SYNDIG1L: variants seen among roughly 807,000 people sequenced by gnomAD.
SYNDIG1L encodes the protein synapse differentiation-inducing gene protein 1-like.
Under a neutral mutation model 20.1 loss-of-function variants are expected in SYNDIG1L, and 13 were observed. The ratio of observed to expected loss-of-function variants is 0.65; its 90% CI spans 0.42 to 1.03. SYNDIG1L has a LOEUF of 1.03. Ranked by LOEUF, SYNDIG1L falls within the 50% of genes least tolerant of loss-of-function variation. The probability of loss-of-function intolerance (pLI) is 0.00; values close to 1 mark genes in which losing one functional copy is unlikely to be tolerated. For missense variants in SYNDIG1L, 294 were observed against 305.1 expected, an observed-to-expected ratio of 0.96 and a Z score of 0.27; for synonymous variants, 128 against 129.3, an observed-to-expected ratio of 0.99 and a Z score of 0.07.
the SYNDIG1L span, among the ~76,000 whole-genome samples, chr14:74,451,861 G>A: frequency 4.0e-5 from 6 of 151,672 alleles, no homozygotes; most frequent in Non-Finnish European, 7.4e-5. Flanking sequence ...GTGGTGGCAC[G>A]CGTCTATAGT....
At chr14:74,419,727 A>C (rs546997311) in intron 1 of SYNDIG1L, among the ~76,000 whole-genome samples, 8 of 152,198 alleles carry the variant, frequency 5.3e-5, no homozygotes, top group Non-Finnish European at 1.2e-4. Flanking sequence ...AGTGAAGGTG[A>C]TGGTGAGAAC....
the SYNDIG1L span, among the ~76,000 whole-genome samples, chr14:74,434,357 G>T: frequency 6.6e-6 from 1 of 151,988 alleles, no homozygotes; most frequent in Admixed American, 6.6e-5. Flanking sequence ...GGATTGGGGA[G>T]TGACCTCTAC....
chr14:74,465,112 C>T, the SYNDIG1L span, among the ~76,000 whole-genome samples: 2 of 152,198 alleles, frequency 1.3e-5, no homozygotes, highest in Non-Finnish European at 2.9e-5. Context: ...GACCCTGGCC[C>T]ACCACCCATC....
the SYNDIG1L span, among the ~76,000 whole-genome samples, chr14:74,473,658 T>C: frequency 5.9e-5 from 9 of 152,340 alleles, no homozygotes; most frequent in African/African-American, 2.2e-4. Flanking sequence ...CTCATTAGAC[T>C]CTAAGCTCCT....
the SYNDIG1L span, among the ~76,000 whole-genome samples, chr14:74,440,516 TAAA>T: frequency 4.1e-5 from 4 of 97,230 alleles, no homozygotes; most frequent in African/African-American, 4.6e-5. Flanking sequence ...CTCCGTCTCA[TAAA>T]AAAAAAAAAA....
At chr14:74,423,106 C>T (rs2086237039) in intron 1 of SYNDIG1L, among the ~76,000 whole-genome samples, 2 of 152,160 alleles carry the variant, frequency 1.3e-5, no homozygotes, top group African/African-American at 4.8e-5. Context: ...TGACTCCCTT[C>T]TTCCCTTTGA....
the SYNDIG1L span, among the ~76,000 whole-genome samples, chr14:74,458,467 C>T: frequency 6.7e-6 from 1 of 148,890 alleles, no homozygotes; most frequent in Non-Finnish European, 1.5e-5. Context: ...AAAAAAAATA[C>T]AAAAATTAGC....
At chr14:74,459,274 G>A in the SYNDIG1L span, among the ~76,000 whole-genome samples, 2 of 152,174 alleles carry the variant, frequency 1.3e-5, no homozygotes, top group African/African-American at 4.8e-5. Flanking sequence ...CCAGCACTTT[G>A]GGAGGCTGAG....
At chr14:74,415,103 G>A (rs1189827772) in intron 1 of SYNDIG1L, among the ~76,000 whole-genome samples, 1 of 152,110 alleles carries the variant, frequency 6.6e-6, no homozygotes, top group Non-Finnish European at 1.5e-5. Flanking sequence ...TAAGGAGGAG[G>A]GCCCCCAATA....
At chr14:74,452,707 C>T in the SYNDIG1L span, among the ~76,000 whole-genome samples, 2 of 152,136 alleles carry the variant, frequency 1.3e-5, no homozygotes, top group East Asian at 3.8e-4. Flanking sequence ...ATAAACTTGC[C>T]ACATAATCTA....
chr14:74,433,760 ATATAATT>A, the SYNDIG1L span, among the ~76,000 whole-genome samples: 1 of 152,184 alleles, frequency 6.6e-6, no homozygotes, highest in Non-Finnish European at 1.5e-5. Context: ...AAACTGGGAC[ATATAATT>A]TACCCAAGGT....
At chr14:74,421,750 G>GAAGAGAGT (rs2086223282) in intron 1 of SYNDIG1L, among the ~76,000 whole-genome samples, 1 of 152,208 alleles carries the variant, frequency 6.6e-6, no homozygotes, top group African/African-American at 2.4e-5. Context: ...TGGAGAGAGA[G>GAAGAGAGT]AAGAGGAGGG....
chr14:74,468,293 ATAG>A, the SYNDIG1L span, among the ~76,000 whole-genome samples: 1 of 152,184 alleles, frequency 6.6e-6, no homozygotes, highest in Non-Finnish European at 1.5e-5. Flanking sequence ...TTCTTTTGAA[ATAG>A]TAGAACTGCT....
chr14:74,410,444 G>A (rs1236082349), intron 1 of SYNDIG1L, among the ~76,000 whole-genome samples: 1 of 152,214 alleles, frequency 6.6e-6, no homozygotes, highest in Non-Finnish European at 1.5e-5. Flanking sequence ...GGGCCAGACC[G>A]TGCAGCCTTG....
At chr14:74,472,699 C>T in the SYNDIG1L span, among the ~76,000 whole-genome samples, 10 of 151,998 alleles carry the variant, frequency 6.6e-5, no homozygotes, top group African/African-American at 2.4e-4. Context: ...GGGAGGGCTT[C>T]CTGGAGGAAG....
chr14:74,466,364 A>T, the SYNDIG1L span, among the ~76,000 whole-genome samples: 1 of 152,154 alleles, frequency 6.6e-6, no homozygotes, highest in South Asian at 2.1e-4. Context: ...ATGGATGGAT[A>T]AATGGATGCA....
chr14:74,448,288 T>C, the SYNDIG1L span, among the ~76,000 whole-genome samples: 29 of 152,094 alleles, frequency 1.9e-4, 1 homozygote, highest in East Asian at 9.6e-4. Context: ...AAGGCACATA[T>C]AGGTTAAAAG....
At chr14:74,458,678 G>A in the SYNDIG1L span, among the ~76,000 whole-genome samples, 1 of 149,680 alleles carries the variant, frequency 6.7e-6, no homozygotes, top group Non-Finnish European at 1.5e-5. Flanking sequence ...CAAGTCCAGA[G>A]AGCTATTATA....
the SYNDIG1L span, among the ~76,000 whole-genome samples, chr14:74,473,283 G>A: frequency 6.6e-6 from 1 of 152,122 alleles, no homozygotes; most frequent in Non-Finnish European, 1.5e-5. Flanking sequence ...TACTCACGAG[G>A]CTGAGGCAGG....
Sources: allele counts gnomAD v4.1 joint callset (sites outside exome capture counted in the v4.1 genomes callset), GRCh38; gene constraint gnomAD v4.1.1; transcripts MANE v1.5; gene names NCBI Gene and HGNC (gene_info 2026-07-23, HGNC 2026-07-21).